Variants in RAB7A observed in about 807,000 individuals in gnomAD.
RAB7A encodes the protein RAB7A, member RAS oncogene family.
RAB7A carries 2 observed loss-of-function variants against 24.5 expected under a neutral mutation model. The observed-to-expected ratio is 0.08, with a 90% CI of 0.03 to 0.26. The LOEUF (loss-of-function observed/expected upper bound fraction) is 0.26. Ranked by LOEUF, RAB7A falls within the 10% of genes least tolerant of loss-of-function variation. The pLI, the probability that RAB7A is intolerant of heterozygous loss-of-function variation, is 1.00. For synonymous variants in RAB7A, 100 were observed against 95.9 expected (o/e 1.04, Z -0.25); for missense variants, 118 against 255.7 (o/e 0.46, Z 3.67).
chr3:128,763,188 TTATA>T (rs765866649), intron 1 of RAB7A, among the ~76,000 whole-genome samples: 21 of 82,112 alleles, frequency 2.6e-4, no homozygotes, highest in South Asian at 1.3e-3. Flanking sequence ...TACATTTAGC[TTATA>T]TATATATATA....
intron 5 of RAB7A, among the ~76,000 whole-genome samples, chr3:128,809,738 A>C (rs1008230632): frequency 6.6e-6 from 1 of 151,930 alleles, no homozygotes; most frequent in African/African-American, 2.4e-5. Flanking sequence ...GAGCTCAGCC[A>C]GTTGTTTGAA....
chr3:128,765,110 G>C (rs901139466), intron 1 of RAB7A: 1 of 752,916 alleles, frequency 1.3e-6, no homozygotes, highest in African/African-American at 1.7e-5. Context: ...GTGAAGAGGG[G>C]ACAGAGGGCT....
At chr3:128,761,436 T>A (rs1172943157) in intron 1 of RAB7A, among the ~76,000 whole-genome samples, 1 of 152,220 alleles carries the variant, frequency 6.6e-6, no homozygotes, top group African/African-American at 2.4e-5. Flanking sequence ...ATTGCCATTT[T>A]CCTGTCTGCT....
intron 1 of RAB7A, among the ~76,000 whole-genome samples, chr3:128,793,984 G>A (rs1044946907): frequency 6.6e-6 from 1 of 152,220 alleles, no homozygotes; most frequent in African/African-American, 2.4e-5. Flanking sequence ...TGAAGCCATC[G>A]AGGATGGTTA....
intron 3 of RAB7A, among the ~76,000 whole-genome samples, chr3:128,802,793 T>C (rs905568478): frequency 6.6e-6 from 1 of 150,376 alleles, no homozygotes; most frequent in East Asian, 2.0e-4. Flanking sequence ...AGGCGTGAGC[T>C]ACCACACCCA....
chr3:128,814,187 T>C lies in RAB7A; in HGVS notation c.*765T>C, dbSNP rs1160134232. On this transcript the variant is annotated 3_prime_UTR_variant, in exon 6 of 6. Coordinates refer to ENST00000265062, the MANE Select transcript of RAB7A (RefSeq NM_004637.6). ...TTGGATTGCAGAGTGTTACTCAGAA[T>C]TGGGAAATCCAGCTAGCGGCAGTAT... The C allele has an allele frequency of 1.3e-5, 2 of 153,370 alleles. No homozygotes were observed. Among genetic ancestry groups the C allele is most frequent in the African/African-American group, 4.8e-5 (2 of 41,448 alleles). 9.5% of individuals were successfully genotyped at this position (153,370 alleles called of 1,614,324 possible).
chr3:128,774,886 T>C (rs940414923), intron 1 of RAB7A, among the ~76,000 whole-genome samples: 37 of 152,042 alleles, frequency 2.4e-4, no homozygotes, highest in African/African-American at 8.7e-4. Context: ...GTTCAAGTGA[T>C]TCTTGTGCCT....
intron 3 of RAB7A, chr3:128,799,155 A>G (rs1403627606): frequency 6.5e-6 from 1 of 152,978 alleles, no homozygotes; most frequent in Non-Finnish European, 1.5e-5. Flanking sequence ...GCACAGCCTA[A>G]TAAGAACCTG....
intron 3 of RAB7A, among the ~76,000 whole-genome samples, chr3:128,800,158 C>T (rs998113514): frequency 3.3e-5 from 5 of 151,798 alleles, no homozygotes; most frequent in Non-Finnish European, 7.4e-5. Context: ...TGTAGAAGAC[C>T]GAAAAGCAAA....
At chr3:128,756,582 C>A (rs2070731330) in intron 1 of RAB7A, among the ~76,000 whole-genome samples, 1 of 151,946 alleles carries the variant, frequency 6.6e-6, no homozygotes, top group South Asian at 2.1e-4. Context: ...CACAGTACTC[C>A]CCAAAGTAAG....
intron 1 of RAB7A, among the ~76,000 whole-genome samples, chr3:128,768,250 T>C (rs1559787580): frequency 6.6e-6 from 1 of 152,252 alleles, no homozygotes; most frequent in Non-Finnish European, 1.5e-5. Flanking sequence ...GTGCTGTATG[T>C]ATCTATAGTT....
At chr3:128,764,253 A>G (rs1240997453) in intron 1 of RAB7A, among the ~76,000 whole-genome samples, 1 of 148,956 alleles carries the variant, frequency 6.7e-6, no homozygotes, top group Non-Finnish European at 1.5e-5. Flanking sequence ...CACATACCAC[A>G]TTTCTGTCCT....
intron 1 of RAB7A, among the ~76,000 whole-genome samples, chr3:128,788,752 G>A (rs1671130877): frequency 6.6e-6 from 1 of 152,104 alleles, no homozygotes. Context: ...GCAGTCCTTT[G>A]CCCTTCCCCT....
intron 2 of RAB7A, among the ~76,000 whole-genome samples, chr3:128,796,870 C>G (rs1933588371): frequency 6.6e-6 from 1 of 152,050 alleles, no homozygotes; most frequent in Non-Finnish European, 1.5e-5. Context: ...TACCATGTTG[C>G]CCAGGCTGGT....
intron 2 of RAB7A, among the ~76,000 whole-genome samples, chr3:128,795,750 G>GTTTTTTTTTTTTTTTTTTTTTTTT (rs1491091651): frequency 1.5e-4 from 1 of 6,874 alleles, no homozygotes; most frequent in Admixed American, 2.3e-3. Flanking sequence ...TAGCAGATGT[G>GTTTTTTTTTTTTTTTTTTTTTTTT]CTTTTTTTTT....
At chr3:128,811,066 C>A (rs1416386066) in intron 5 of RAB7A, among the ~76,000 whole-genome samples, 13 of 150,800 alleles carry the variant, frequency 8.6e-5, no homozygotes, top group South Asian at 2.1e-4. Context: ...AAAAAAAAAA[C>A]AAAACATTCC....
chr3:128,731,329 A>G (rs2070434529), intron 1 of RAB7A, among the ~76,000 whole-genome samples: 1 of 152,222 alleles, frequency 6.6e-6, no homozygotes, highest in African/African-American at 2.4e-5. Context: ...CAGTCAGCCT[A>G]CCAACAGTTC....
chr3:128,784,844 C>G (rs578095241), intron 1 of RAB7A, among the ~76,000 whole-genome samples: 1 of 151,986 alleles, frequency 6.6e-6, no homozygotes, highest in African/African-American at 2.4e-5. Flanking sequence ...TCCTTATAGT[C>G]TCGTATCTAC....
intron 3 of RAB7A, among the ~76,000 whole-genome samples, chr3:128,803,323 A>T (rs983427231): frequency 1.3e-5 from 2 of 152,192 alleles, no homozygotes; most frequent in African/African-American, 2.4e-5. Context: ...TGTAAATAAC[A>T]AGATTCCCAG....
Sources: gnomAD v4.1 joint callset for allele counts (sites outside exome capture counted in the v4.1 genomes callset) on GRCh38, gnomAD v4.1.1 for gene constraint, MANE v1.5 for transcripts, NCBI Gene and HGNC (gene_info 2026-07-23, HGNC 2026-07-21) for gene names.